Variants in CARNMT1 observed in about 807,000 individuals in gnomAD.
CARNMT1 encodes protein-L-histidine N-pros-methyltransferase CARNMT1.
Under a neutral mutation model 49.6 loss-of-function variants are expected in CARNMT1, and 28 were observed. The ratio of observed to expected loss-of-function variants is 0.56; its 90% CI spans 0.42 to 0.77. The LOEUF (loss-of-function observed/expected upper bound fraction) is 0.77. Among genes scored for constraint, CARNMT1 ranks in the 30% least tolerant of loss-of-function variants. The pLI is 0.00. For synonymous variants in CARNMT1, 178 were observed against 175.0 expected (o/e 1.02, Z -0.13); for missense variants, 421 against 512.6 (o/e 0.82, Z 1.73).
At chr9:75,002,022 A>G (rs1833373319) in intron 3 of CARNMT1, among the ~76,000 whole-genome samples, 1 of 152,218 alleles carries the variant, frequency 6.6e-6, no homozygotes, top group Admixed American at 6.5e-5. Flanking sequence ...TACCTAGTTA[A>G]TAAGGCCCAA....
chr9:75,028,314 T>C (rs1822593611), upstream of CARNMT1: 2 of 1,326,854 alleles, frequency 1.5e-6, no homozygotes, highest in Non-Finnish European at 1.9e-6. Context: ...CTGCTTGGCC[T>C]TCCTCTAGAC....
intron 3 of CARNMT1, among the ~76,000 whole-genome samples, chr9:75,008,365 T>C (rs1833583408): frequency 6.6e-6 from 1 of 152,184 alleles, no homozygotes; most frequent in East Asian, 1.9e-4. Flanking sequence ...GGAGTCTCAC[T>C]CTATTGCCCA....
intron 3 of CARNMT1, among the ~76,000 whole-genome samples, chr9:75,001,383 C>T (rs534916615): frequency 7.2e-4 from 109 of 152,220 alleles, no homozygotes; most frequent in African/African-American, 2.4e-3. Flanking sequence ...TCAAATTCTC[C>T]TTAACTAAAC....
In CARNMT1 at chr9:74,999,872, T is replaced by C. The variant is rs1195285312; in HGVS notation, c.591-2A>G. The C allele has an allele frequency of 6.3e-7, 1 of 1,594,466 alleles. No homozygotes were observed. Among genetic ancestry groups the C allele is most frequent in the African/African-American group, 1.4e-5 (1 of 74,020 alleles). On this transcript the variant is annotated splice_acceptor_variant, in intron 3 of 7. Coordinates refer to ENST00000376834, the MANE Select transcript of CARNMT1 (RefSeq NM_152420.3). LOFTEE classifies it high-confidence loss of function. The stretch of plus-strand genomic sequence containing the variant: ...AGAATATTTACTTTAGAAGGATCCC[T>C]GAAATGAAATAAGGCAATTATGTCC...
At chr9:75,020,101 G>A (rs1466513501) in intron 1 of CARNMT1, among the ~76,000 whole-genome samples, 8 of 152,128 alleles carry the variant, frequency 5.3e-5, no homozygotes, top group Non-Finnish European at 1.0e-4. Flanking sequence ...GGGTGAAAGA[G>A]ACAGGATAAT....
chr9:75,023,053 A>T (rs548679007), intron 1 of CARNMT1, among the ~76,000 whole-genome samples: 12 of 152,002 alleles, frequency 7.9e-5, no homozygotes, highest in African/African-American at 2.9e-4. Context: ...GAGGCAGGAG[A>T]ATCGCTTGAA....
intron 4 of CARNMT1, among the ~76,000 whole-genome samples, 153 bp downstream of exon 4, chr9:74,999,577 T>G (rs1833295463): frequency 6.6e-6 from 1 of 152,166 alleles, no homozygotes; most frequent in African/African-American, 2.4e-5. Context: ...ATAATTTGTG[T>G]AAGTACTTTG....
At chr9:75,005,949 C>T (rs1833499652) in intron 3 of CARNMT1, among the ~76,000 whole-genome samples, 1 of 151,916 alleles carries the variant, frequency 6.6e-6, no homozygotes, top group Non-Finnish European at 1.5e-5. Context: ...CATGTACTTA[C>T]TGTGGCATAA....
In CARNMT1 at chr9:74,990,999, C is replaced by A. The variant is rs144246372; in HGVS notation, c.1024+5448G>T. 3.1e-3 allele frequency among the ~76,000 whole-genome samples: 469 copies of A among 152,128 alleles called. 2 individuals are homozygous for A. Among genetic ancestry groups the A allele is most frequent in the African/African-American group, 0.011 (444 of 41,498 alleles). On this transcript the variant is annotated intron_variant, in intron 6 of 7. Transcript: ENST00000376834. The stretch of plus-strand genomic sequence containing the variant: ...AGGCTGAAAAATCTAAAAAGTTAGG[C>A]ATAAAGATTTAAGAGACAGAAAAAG...
At position 74,981,482 on chromosome 9, in the gene CARNMT1, T is replaced by C. The variant is rs1398908262; in HGVS notation, c.*2285A>G. ...CCTCCAGTGATACTTCTATTATTGA[T>C]TGATACCACATTTTCAAGTTTAGAA... On this transcript the variant is annotated 3_prime_UTR_variant, in exon 8 of 8. Transcript: ENST00000376834. 2 of 152,148 alleles carry C rather than the reference T, an allele frequency of 1.3e-5. No individual in the cohort carries two copies. The highest frequency in any genetic ancestry group is 6.5e-5 in the Admixed American group (1 of 15,280). 9.4% of individuals were successfully genotyped at this position (152,148 alleles called of 1,614,324 possible).
chr9:75,006,200 C>T (rs1021956379), intron 3 of CARNMT1, among the ~76,000 whole-genome samples: 2 of 151,982 alleles, frequency 1.3e-5, no homozygotes, highest in Admixed American at 6.6e-5. Context: ...TACAAGTGCA[C>T]GCCACCACAC....
chr9:75,015,259 G>A (rs947401614), intron 3 of CARNMT1, among the ~76,000 whole-genome samples: 12 of 152,086 alleles, frequency 7.9e-5, no homozygotes, highest in Admixed American at 5.9e-4. Flanking sequence ...TTATCACGAA[G>A]AGAAATCACA....
At chr9:74,998,489 T>C in intron 5 of CARNMT1, 109 bp downstream of exon 5, 1 of 870,802 alleles carries the variant, frequency 1.1e-6, no homozygotes, top group Non-Finnish European at 1.7e-6. Flanking sequence ...GACATATGCC[T>C]TATGTTCTAC....
intron 3 of CARNMT1, among the ~76,000 whole-genome samples, chr9:75,012,732 A>T (rs566210686): frequency 3.3e-5 from 5 of 151,970 alleles, no homozygotes; most frequent in South Asian, 4.1e-4. Context: ...AAAAAATCTT[A>T]TCTACCCCGT....
intron 3 of CARNMT1, among the ~76,000 whole-genome samples, chr9:75,007,131 T>TA (rs1487740329): frequency 6.6e-6 from 1 of 152,234 alleles, no homozygotes; most frequent in Non-Finnish European, 1.5e-5. Context: ...CTGGACTTTA[T>TA]AGAAAGTATT....
In CARNMT1 at chr9:74,982,900, G is replaced by A. The variant is rs1245677285; in HGVS notation, c.*867C>T. On this transcript the variant is annotated 3_prime_UTR_variant, in exon 8 of 8. Transcript: ENST00000376834. Reference sequence around the variant, plus strand: ...CGTATATTTCAAAGTGATCCATGATGAGTATGCTTTCATAAAGTGTTCAGT... The same window carrying A: ...CGTATATTTCAAAGTGATCCATGATAAGTATGCTTTCATAAAGTGTTCAGT... 6.6e-6 allele frequency: 1 copy of A among 151,988 alleles called. No individual in the cohort carries two copies. The highest frequency in any genetic ancestry group is 1.5e-5 in the Non-Finnish European group (1 of 67,982). 9.4% of individuals were successfully genotyped at this position (151,988 alleles called of 1,614,324 possible). A position where few individuals can be genotyped will look rare whatever the true frequency, so the allele number is the denominator to read the frequency against.
chr9:75,012,290 T>G (rs1833716812), intron 3 of CARNMT1, among the ~76,000 whole-genome samples: 1 of 151,456 alleles, frequency 6.6e-6, no homozygotes. Context: ...TTTGGTTTTT[T>G]TTTTTTTTTT....
chr9:74,987,425 A>C (rs1164183859), intron 6 of CARNMT1, among the ~76,000 whole-genome samples: 1 of 152,230 alleles, frequency 6.6e-6, no homozygotes, highest in East Asian at 1.9e-4. Flanking sequence ...AATGTAATAT[A>C]TCAAATGGAA....
intron 1 of CARNMT1, among the ~76,000 whole-genome samples, chr9:75,020,233 G>A (rs1469013233): frequency 6.6e-6 from 1 of 150,530 alleles, no homozygotes; most frequent in Non-Finnish European, 1.5e-5. Flanking sequence ...AAATGAAAAT[G>A]GAAGTATTTT....
Sources: gnomAD v4.1 joint callset for allele counts (sites outside exome capture counted in the v4.1 genomes callset) on GRCh38, gnomAD v4.1.1 for gene constraint, MANE v1.5 for transcripts, NCBI Gene and HGNC (gene_info 2026-07-23, HGNC 2026-07-21) for gene names.